Variants in GPR158 observed in about 807,000 individuals in gnomAD.
The protein encoded by GPR158 is metabotropic glycine receptor.
A neutral mutation model predicts 78.2 loss-of-function variants in GPR158; 30 were observed. The observed-to-expected ratio is 0.38, with a 90% CI of 0.29 to 0.52. GPR158 has a LOEUF of 0.52. Among genes scored for constraint, GPR158 ranks in the 20% least tolerant of loss-of-function variants. The pLI is 0.83. For synonymous variants in GPR158, 581 were observed against 591.1 expected (o/e 0.98, Z 0.25); for missense variants, 1,463 against 1,523.5 (o/e 0.96, Z 0.66).
chr10:25,568,405 C>A (rs1308747025), intron 6 of GPR158, among the ~76,000 whole-genome samples: 3 of 151,802 alleles, frequency 2.0e-5, no homozygotes, highest in Non-Finnish European at 4.4e-5. Context: ...AAGGAGCTAG[C>A]CAAGAAGTAG....
At chr10:25,417,293 G>A (rs377704488) in intron 4 of GPR158, among the ~76,000 whole-genome samples, 4 of 152,142 alleles carry the variant, frequency 2.6e-5, no homozygotes, top group Admixed American at 2.0e-4. Flanking sequence ...TTCTGTGGGG[G>A]TGTCATAATT....
At chr10:25,388,715 G>T (rs1301800945) in intron 2 of GPR158, among the ~76,000 whole-genome samples, 1 of 152,256 alleles carries the variant, frequency 6.6e-6, no homozygotes, top group Non-Finnish European at 1.5e-5. Context: ...GAGCAGGCAA[G>T]ATTCCTGCAC....
At chr10:25,587,496 T>C (rs1459706106) in intron 7 of GPR158, among the ~76,000 whole-genome samples, 1 of 152,122 alleles carries the variant, frequency 6.6e-6, no homozygotes, top group Non-Finnish European at 1.5e-5. Context: ...AATGTAGAAA[T>C]GAAAGTTGGA....
intron 2 of GPR158, among the ~76,000 whole-genome samples, chr10:25,321,516 C>T (rs1854947465): frequency 6.6e-6 from 1 of 152,170 alleles, no homozygotes; most frequent in South Asian, 2.1e-4. Context: ...ACAGAAAGCA[C>T]ACAGCTTTTA....
At position 25,500,971 on chromosome 10, in the gene GPR158, T is replaced by C. The variant is rs180708197; in HGVS notation, c.1404+34252T>C. Among the ~76,000 whole-genome samples the C allele has an allele frequency of 1.1e-3, 173 of 152,290 alleles. 3 individuals are homozygous for C. Among genetic ancestry groups the C allele is most frequent in the Admixed American group, 3.7e-3 (57 of 15,294 alleles). ...AAGTCACATTCATACTGAAGGAAAA[T>C]GTGCTTTAAGAGTCAAAGTTATACA... On this transcript the variant is annotated intron_variant, in intron 5 of 10. Transcript: ENST00000376351.
chr10:25,568,081 A>G (rs995982345), intron 6 of GPR158, among the ~76,000 whole-genome samples: 8 of 152,290 alleles, frequency 5.3e-5, no homozygotes, highest in Non-Finnish European at 1.0e-4. Flanking sequence ...GCTGTAACAC[A>G]ACAGCAAAGG....
chr10:25,191,741 C>A (rs79508690), intron 1 of GPR158, among the ~76,000 whole-genome samples: 2 of 152,044 alleles, frequency 1.3e-5, no homozygotes, highest in Non-Finnish European at 2.9e-5. Flanking sequence ...TGTGAAGGAG[C>A]CTATCAGTAC....
chr10:25,362,062 ATCC>A (rs999016246), intron 2 of GPR158, among the ~76,000 whole-genome samples: 8 of 151,964 alleles, frequency 5.3e-5, no homozygotes, highest in Admixed American at 5.3e-4. Context: ...TCCTGAGAAT[ATCC>A]TGAAATATTT....
At chr10:25,263,286 C>T (rs902951822) in intron 2 of GPR158, among the ~76,000 whole-genome samples, 3 of 152,100 alleles carry the variant, frequency 2.0e-5, no homozygotes, top group South Asian at 2.1e-4. Context: ...TTTTGAAAAG[C>T]CTGCTTTTCT....
At chr10:25,382,871 G>A (rs996472241) in intron 2 of GPR158, among the ~76,000 whole-genome samples, 3 of 151,178 alleles carry the variant, frequency 2.0e-5, no homozygotes, top group Non-Finnish European at 3.0e-5. Flanking sequence ...TCACACTGTC[G>A]CCCAGGCTGG....
chr10:25,534,721 T>C (rs1374520565), intron 5 of GPR158, among the ~76,000 whole-genome samples: 1 of 152,118 alleles, frequency 6.6e-6, no homozygotes, highest in Non-Finnish European at 1.5e-5. Flanking sequence ...GCCACTGCAC[T>C]TCAGCCTGCG....
In GPR158 at chr10:25,408,475, A is replaced by T. The variant is rs1328448654; in HGVS notation, c.1112-3775A>T. ...GGAAATCCTAACCTCTGTGTCTCAA[A>T]TCTGAATCTTACAGCCCATACTTTA... On this transcript the variant is annotated intron_variant, in intron 3 of 10. Transcript: ENST00000376351. Among the ~76,000 whole-genome samples, 7 of 152,140 alleles carry T rather than the reference A, an allele frequency of 4.6e-5. No individual in the cohort carries two copies. In the East Asian group the frequency reaches 1.3e-3, roughly 29 times the overall value.
intron 1 of GPR158, among the ~76,000 whole-genome samples, chr10:25,196,241 T>C (rs528062520): frequency 8.2e-4 from 125 of 152,094 alleles, no homozygotes; most frequent in Admixed American, 1.3e-3. Flanking sequence ...AAAAAAAAAC[T>C]TCTGAGAGAT....
chr10:25,451,506 A>G (rs10764555), intron 4 of GPR158, among the ~76,000 whole-genome samples: 105,855 of 152,078 alleles, frequency 0.7, 38,293 homozygotes, highest in East Asian at 0.99. Context: ...TTTCACACAC[A>G]TTTTTATATT....
chr10:25,327,825 G>C (rs1274985336), intron 2 of GPR158, among the ~76,000 whole-genome samples: 1 of 123,852 alleles, frequency 8.1e-6, no homozygotes, highest in Non-Finnish European at 1.9e-5. Context: ...GAATGATTTG[G>C]TTTGAAATAT....
At chr10:25,243,351 A>T (rs1202446822) in intron 2 of GPR158, among the ~76,000 whole-genome samples, 4 of 152,194 alleles carry the variant, frequency 2.6e-5, no homozygotes, top group Non-Finnish European at 4.4e-5. Flanking sequence ...AGTTATCTGG[A>T]TTACGTTATT....
At chr10:25,195,006 T>C (rs1588728535) in intron 1 of GPR158, among the ~76,000 whole-genome samples, 1 of 152,136 alleles carries the variant, frequency 6.6e-6, no homozygotes, top group Admixed American at 6.6e-5. Context: ...AATAATCGGA[T>C]CCTGCCATTT....
intron 3 of GPR158, among the ~76,000 whole-genome samples, chr10:25,399,108 G>T (rs2130533036): frequency 6.6e-6 from 1 of 152,284 alleles, no homozygotes; most frequent in South Asian, 2.1e-4. Flanking sequence ...TTACAACTGT[G>T]GTGGAAGGCA....
chr10:25,218,187 T>C (rs1351932647), intron 1 of GPR158, among the ~76,000 whole-genome samples: 1 of 152,044 alleles, frequency 6.6e-6, no homozygotes, highest in Non-Finnish European at 1.5e-5. Context: ...CCCAGGGTTT[T>C]GTAAGTCTCT....
Sources: allele counts gnomAD v4.1 joint callset (sites outside exome capture counted in the v4.1 genomes callset), GRCh38; gene constraint gnomAD v4.1.1; transcripts MANE v1.5; gene names NCBI Gene and HGNC (gene_info 2026-07-23, HGNC 2026-07-21).